IDI1: variants seen among roughly 807,000 people sequenced by gnomAD.
IDI1 encodes isopentenyl-diphosphate delta isomerase 1, also known as isopentenyl-diphosphate Delta-isomerase 1.
In IDI1, 23 loss-of-function variants were observed where a neutral mutation model predicts 32.9. The ratio of observed to expected loss-of-function variants is 0.70; its 90% CI spans 0.50 to 0.99. The LOEUF (loss-of-function observed/expected upper bound fraction) is 0.99. Among genes scored for constraint, IDI1 ranks in the 50% least tolerant of loss-of-function variants. The pLI, the probability that IDI1 is intolerant of heterozygous loss-of-function variation, is 0.00. For synonymous variants in IDI1, 133 were observed against 128.2 expected (o/e 1.04, Z -0.25); for missense variants, 326 against 351.9 (o/e 0.93, Z 0.59).
At position 1,041,383 on chromosome 10, in the gene IDI1, G is replaced by A; in HGVS notation, c.659C>T (p.Pro220Leu). The change falls in exon 5 of 5, where the codon CCA becomes CTA. Residue 220 changes from proline to leucine, a missense_variant. Transcript: ENST00000381344. ...ATAGCTTTTAATCTCATTGGGATCTGGATTCAAAGTTACATTCTTCCTCAC... is the reference window on the plus strand; with the variant it reads ...ATAGCTTTTAATCTCATTGGGATCTAGATTCAAAGTTACATTCTTCCTCAC... ...LLVRKNVTLN[P>L]DPNEIKSYCY... The A allele has an allele frequency of 6.2e-7, 1 of 1,612,786 alleles. No homozygotes were observed. The highest frequency in any genetic ancestry group is 1.3e-5 in the African/African-American group (1 of 74,944).
At chr10:1,054,193 T>G in the IDI1 span, among the ~76,000 whole-genome samples, 1 of 152,200 alleles carries the variant, frequency 6.6e-6, no homozygotes, top group Non-Finnish European at 1.5e-5. Context: ...GCTGACAGAC[T>G]TGCTCCATGC....
intron 4 of IDI1, among the ~76,000 whole-genome samples, chr10:1,041,862 A>G (rs1276267130): frequency 1.3e-5 from 2 of 150,348 alleles, no homozygotes; most frequent in East Asian, 3.9e-4. Context: ...CTGGAGTGCA[A>G]TGGTGTGATC....
chr10:1,042,491 T>G, intron 4 of IDI1, 141 bp downstream of exon 4: 1 of 771,406 alleles, frequency 1.3e-6, no homozygotes, highest in Non-Finnish European at 2.2e-6. Flanking sequence ...TAATCTTTAT[T>G]CAAGATGGTT....
At chr10:1,056,228 C>T in the IDI1 span, among the ~76,000 whole-genome samples, 1 of 152,216 alleles carries the variant, frequency 6.6e-6, no homozygotes, top group Non-Finnish European at 1.5e-5. Flanking sequence ...TTCTGTAGAG[C>T]GTTGAGACGG....
chr10:1,050,366 T>C (rs1832971605), upstream of IDI1, among the ~76,000 whole-genome samples: 2 of 152,332 alleles, frequency 1.3e-5, no homozygotes, highest in Admixed American at 1.3e-4. Flanking sequence ...AAGTCCTCAC[T>C]GCTGTCAGTG....
chr10:1,056,543 A>G, the IDI1 span: 1 of 152,128 alleles, frequency 6.6e-6, no homozygotes, highest in Non-Finnish European at 1.5e-5. Context: ...TACGGGGCAG[A>G]TGGACTCGGA....
Position 1,048,596 on chromosome 10 carries a change from G to C in IDI1, c.140+268C>G, listed in dbSNP as rs1470006140. On this transcript the variant is annotated intron_variant, in intron 1 of 4. Coordinates refer to ENST00000381344, the MANE Select transcript of IDI1 (RefSeq NM_004508.4). ...CCTCAGGTGACTGTGCGCAGACGAC[G>C]ATCTTTTCCGCTGACAAAGAATGGC... is the stretch of plus-strand genomic sequence containing the variant. The C allele has an allele frequency of 2.2e-6, 3 of 1,379,462 alleles. No individual in the cohort carries two copies. The African/African-American group carries it at 4.5e-5, about 21-fold the overall frequency. 85.5% of individuals were successfully genotyped at this position (1,379,462 alleles called of 1,614,324 possible). A position where few individuals can be genotyped will look rare whatever the true frequency, so the allele number is the denominator to read the frequency against.
upstream of IDI1, among the ~76,000 whole-genome samples, chr10:1,049,950 G>A (rs1832953744): frequency 6.6e-6 from 1 of 152,146 alleles, no homozygotes; most frequent in Admixed American, 6.5e-5. Flanking sequence ...ACCGCGCCTA[G>A]CCCTCTAAAC....
chr10:1,042,899 AT>A (rs1832661070), intron 3 of IDI1, 137 bp from the exon 4 acceptor site: 1 of 712,156 alleles, frequency 1.4e-6, no homozygotes. Context: ...GCTATCAGTA[AT>A]TATTTTAAGG....
At chr10:1,052,911 G>A (rs923088868), upstream of IDI1, among the ~76,000 whole-genome samples, 3 of 152,150 alleles carry the variant, frequency 2.0e-5, no homozygotes, top group Admixed American at 2.0e-4. Context: ...AAATAAGGTT[G>A]TTTCAACTCC....
upstream of IDI1, among the ~76,000 whole-genome samples, chr10:1,051,885 T>C (rs567251528): frequency 1.3e-5 from 2 of 152,320 alleles, no homozygotes; most frequent in East Asian, 3.9e-4. Flanking sequence ...AGGAAAACTT[T>C]TTTTTGAGAC....
intron 1 of IDI1, among the ~76,000 whole-genome samples, chr10:1,045,611 C>T (rs1003626659): frequency 3.3e-5 from 5 of 152,178 alleles, no homozygotes; most frequent in African/African-American, 4.8e-5. Context: ...GGACTACAGG[C>T]GTGCACCACC....
intron 1 of IDI1, chr10:1,048,508 T>C: frequency 8.0e-7 from 1 of 1,252,904 alleles, no homozygotes; most frequent in Non-Finnish European, 1.0e-6. Flanking sequence ...CTGAATTCTC[T>C]AAGGGGAGAC....
upstream of IDI1, among the ~76,000 whole-genome samples, chr10:1,052,810 T>A (rs548267479): frequency 6.6e-6 from 1 of 152,306 alleles, no homozygotes; most frequent in Admixed American, 6.5e-5. Flanking sequence ...ACTAGCCCCC[T>A]AGCAAGGGTC....
At chr10:1,056,153 GA>G in the IDI1 span, among the ~76,000 whole-genome samples, 437 of 149,184 alleles carry the variant, frequency 2.9e-3, no homozygotes, top group Non-Finnish European at 4.4e-3. Context: ...AACCTACACA[GA>G]AAAAAAAAAT....
chr10:1,045,701 A>G (rs1433014408), intron 1 of IDI1, among the ~76,000 whole-genome samples: 4 of 152,240 alleles, frequency 2.6e-5, no homozygotes, highest in Non-Finnish European at 5.9e-5. Flanking sequence ...TCCTAACCTC[A>G]GGAGATCTGC....
the IDI1 span, among the ~76,000 whole-genome samples, chr10:1,056,047 T>TAA: frequency 6.6e-6 from 1 of 152,136 alleles, no homozygotes; most frequent in Admixed American, 6.5e-5. Flanking sequence ...AATCTCGTGA[T>TAA]ACGTCGGCCT....
chr10:1,043,613 C>A, intron 2 of IDI1: 1 of 670,728 alleles, frequency 1.5e-6, no homozygotes, highest in South Asian at 1.5e-5. Context: ...TGCTGGTGGC[C>A]CCTTTCCGGC....
At chr10:1,043,505 C>T (rs1832686453) in intron 2 of IDI1, 112 bp from the exon 3 acceptor site, 1 of 750,286 alleles carries the variant, frequency 1.3e-6, no homozygotes, top group African/African-American at 1.7e-5. Flanking sequence ...TTTGCTTTTT[C>T]CCATGGTTTA....
Sources: allele counts gnomAD v4.1 joint callset (sites outside exome capture counted in the v4.1 genomes callset), GRCh38; gene constraint gnomAD v4.1.1; transcripts MANE v1.5; gene names NCBI Gene and HGNC (gene_info 2026-07-23, HGNC 2026-07-21).